The following PCDHGA9 variants were observed in gnomAD, a reference collection of about 807,000 sequenced individuals.
The protein encoded by PCDHGA9 is protocadherin gamma subfamily A, 9, also known as protocadherin gamma-A9.
PCDHGA9 carries 37 observed loss-of-function variants against 62.5 expected under a neutral mutation model. The ratio of observed to expected loss-of-function variants is 0.59; its 90% CI spans 0.46 to 0.78. The LOEUF is 0.78. Among genes scored for constraint, PCDHGA9 ranks in the 30% least tolerant of loss-of-function variants. PCDHGA9 has a pLI of 0.00. For missense variants in PCDHGA9, 1,138 were observed against 1,166.2 expected, an observed-to-expected ratio of 0.98 and a Z score of 0.35; for synonymous variants, 459 against 484.6, an observed-to-expected ratio of 0.95 and a Z score of 0.69.
At position 141,491,692 on chromosome 5, in the gene PCDHGA9, C is replaced by T. The variant is rs749349869; in HGVS notation, c.2425-3115C>T. On this transcript the variant is annotated intron_variant, in intron 1 of 3. Coordinates refer to ENST00000573521, the MANE Select transcript of PCDHGA9 (RefSeq NM_018921.3). This position sits in a 1 kb window ranked among gnomAD's most constrained non-coding sequence, Gnocchi z 6.9. ...GTCCCGCTCTAATACGCTGCGGGAG[C>T]GGAGCCAGGTGAGGGGCTCGGCGCC... is the stretch of plus-strand genomic sequence containing the variant. 1 of 1,612,594 alleles carries T rather than the reference C, an allele frequency of 6.2e-7. No homozygotes were observed. The highest frequency in any genetic ancestry group is 8.5e-7 in the Non-Finnish European group (1 of 1,179,340).
At chr5:141,474,964 CATT>C (rs1489874965) in intron 1 of PCDHGA9, among the ~76,000 whole-genome samples, 1 of 152,216 alleles carries the variant, frequency 6.6e-6, no homozygotes, top group Non-Finnish European at 1.5e-5. Context: ...CTATCCTAAT[CATT>C]ATAATTTTGT....
chr5:141,405,090 C>A lies in PCDHGA9; in HGVS notation c.2138C>A (p.Ala713Asp). The change falls in exon 1 of 4, where the codon GCC becomes GAC. Residue 713 changes from alanine (A) to aspartate (D), a missense_variant. Physicochemically the swap from Ala to Asp is moderately radical, Grantham distance 126. Transcript: ENST00000573521. The stretch of plus-strand genomic sequence containing the variant: ...CTCACCTTCGTTATCACGCTGCTGG[C>A]CCTCAGGCTGAGGCACTGGCACTCC... ...VFLTFVITLLALRLRHWHSSH... is the reference protein window; with the variant it reads ...VFLTFVITLLDLRLRHWHSSH... 1 of 1,613,950 alleles carries A rather than the reference C, an allele frequency of 6.2e-7. No homozygotes were observed. Among genetic ancestry groups the A allele is most frequent in the Non-Finnish European group, 8.5e-7 (1 of 1,179,834 alleles).
chr5:141,500,188 A>T (rs182086759), intron 2 of PCDHGA9, among the ~76,000 whole-genome samples: 173 of 98,190 alleles, frequency 1.8e-3, no homozygotes, highest in African/African-American at 4.0e-3. Flanking sequence ...TTTTATTTTT[A>T]TTTATTTATT....
chr5:141,446,455 T>G (rs1347586383), intron 1 of PCDHGA9, among the ~76,000 whole-genome samples: 1 of 151,858 alleles, frequency 6.6e-6, no homozygotes, highest in Non-Finnish European at 1.5e-5. Context: ...AGATATTCAG[T>G]GTGTGATTAG....
At chr5:141,508,879 G>A (rs2547559) in intron 3 of PCDHGA9, among the ~76,000 whole-genome samples, 2 of 152,070 alleles carry the variant, frequency 1.3e-5, no homozygotes, top group East Asian at 3.9e-4. Context: ...AGAGGCTGAC[G>A]GCTGGAGGGG....
intron 1 of PCDHGA9, chr5:141,413,151 T>G (rs1192899612): frequency 6.4e-7 from 1 of 1,573,560 alleles, no homozygotes; most frequent in Non-Finnish European, 8.6e-7. Context: ...GTGAGGACTT[T>G]GCAGAATTCT....
At chr5:141,410,697 T>G in intron 1 of PCDHGA9, 1 of 1,489,152 alleles carries the variant, frequency 6.7e-7, no homozygotes, top group Non-Finnish European at 9.0e-7. Context: ...TACTTTATTT[T>G]CATATCTAGA....
At chr5:141,468,697 T>A (rs2099174099) in intron 1 of PCDHGA9, 1 of 151,646 alleles carries the variant, frequency 6.6e-6, no homozygotes, top group Non-Finnish European at 1.5e-5. Context: ...AAACCCCGTC[T>A]CTACTAAAAA....
chr5:141,410,185 T>A lies in PCDHGA9; in HGVS notation c.2424+4809T>A, dbSNP rs373680185. 10 of 1,613,812 alleles carry A rather than the reference T, an allele frequency of 6.2e-6. No individual in the cohort carries two copies. The African/African-American group carries it at 1.3e-4, about 22-fold the overall frequency. On this transcript the variant is annotated intron_variant, in intron 1 of 3. Transcript: ENST00000573521. ...CACTCTCTGCCACCGCCACGCTTCA[T>A]CTGGTCTTCGCAGACAACTTGCAAG...
chr5:141,487,351 T>A lies in PCDHGA9; in HGVS notation c.2425-7456T>A. 6.2e-7 allele frequency: 1 copy of A among 1,614,210 alleles called. No individual in the cohort carries two copies. The highest frequency in any genetic ancestry group is 8.5e-7 in the Non-Finnish European group (1 of 1,180,038). On this transcript the variant is annotated intron_variant, in intron 1 of 3. Transcript: ENST00000573521. The surrounding 1 kb of genome is among the most constrained non-coding windows in gnomAD (Gnocchi z 5.0). ...GGGCAGCCTGTGGAGTCACATGCTT[T>A]CCTGCTGGCACCTGTGCCTGTCTCA...
chr5:141,477,031 A>G lies in PCDHGA9; in HGVS notation c.2425-17776A>G. 2 of 1,614,248 alleles carry G rather than the reference A, an allele frequency of 1.2e-6. No homozygotes were observed. The highest frequency in any genetic ancestry group is 2.2e-5 in the East Asian group (1 of 44,880). On this transcript the variant is annotated intron_variant, in intron 1 of 3. Transcript: ENST00000573521. This position sits in a 1 kb window ranked among gnomAD's most constrained non-coding sequence, Gnocchi z 4.9. ...TAGACCTTGTAACCGGGATGCTGAC[A>G]ATCAAGGGTCGGCTGGACTTCGAGG...
chr5:141,422,691 C>A, intron 1 of PCDHGA9: 1 of 1,603,878 alleles, frequency 6.2e-7, no homozygotes, highest in Non-Finnish European at 8.5e-7. Flanking sequence ...ATGCCCTGGT[C>A]ACTTACTCTC....
chr5:141,431,333 C>G lies in PCDHGA9; in HGVS notation c.2424+25957C>G. 1.2e-6 allele frequency: 2 copies of G among 1,614,058 alleles called. No individual in the cohort carries two copies. The highest frequency in any genetic ancestry group is 2.2e-5 in the South Asian group (2 of 91,088). Reference sequence around the variant, plus strand: ...AAATGGAGCCGACGGTAGTAAGTACCCCGAATTGGTGCTGAAACGCGCCCT... The same window carrying G: ...AAATGGAGCCGACGGTAGTAAGTACGCCGAATTGGTGCTGAAACGCGCCCT... On this transcript the variant is annotated intron_variant, in intron 1 of 3. Coordinates refer to ENST00000573521, the MANE Select transcript of PCDHGA9 (RefSeq NM_018921.3). The surrounding 1 kb of genome is among the most constrained non-coding windows in gnomAD (Gnocchi z 4.8).
chr5:141,467,715 G>C (rs904101145), intron 1 of PCDHGA9, among the ~76,000 whole-genome samples: 1 of 152,022 alleles, frequency 6.6e-6, no homozygotes, highest in Non-Finnish European at 1.5e-5. Flanking sequence ...AGGCTGGAGT[G>C]TAGTGGCACA....
At chr5:141,503,745 G>A (rs1377110427) in intron 2 of PCDHGA9, among the ~76,000 whole-genome samples, 3 of 152,220 alleles carry the variant, frequency 2.0e-5, no homozygotes, top group South Asian at 2.1e-4. Flanking sequence ...ATGGTATAGA[G>A]GTCACACATG....
chr5:141,490,042 G>A lies in PCDHGA9; in HGVS notation c.2425-4765G>A. On this transcript the variant is annotated intron_variant, in intron 1 of 3. Transcript: ENST00000573521. This position sits in a 1 kb window ranked among gnomAD's most constrained non-coding sequence, Gnocchi z 5.4. ...TCTGCTGCTCCGCCTCAATGCCACT[G>A]ATCCAGACGAGGGCACCAACGGCCA... The A allele has an allele frequency of 6.2e-7, 1 of 1,614,266 alleles. No homozygotes were observed. Among genetic ancestry groups the A allele is most frequent in the Non-Finnish European group, 8.5e-7 (1 of 1,180,038 alleles).
chr5:141,420,789 C>G (rs1403213574), intron 1 of PCDHGA9, among the ~76,000 whole-genome samples: 2 of 152,198 alleles, frequency 1.3e-5, no homozygotes, highest in Non-Finnish European at 2.9e-5. Flanking sequence ...ATTTTGAAAA[C>G]TTTTTAAAAA....
At chr5:141,458,727 A>G (rs1424554234) in intron 1 of PCDHGA9, among the ~76,000 whole-genome samples, 1 of 151,570 alleles carries the variant, frequency 6.6e-6, no homozygotes, top group East Asian at 1.9e-4. Flanking sequence ...TCGCCACCAC[A>G]TCCAGCTATT....
Position 141,486,632 on chromosome 5 carries a change from A to G in PCDHGA9, c.2425-8175A>G, listed in dbSNP as rs1304397413. The G allele has an allele frequency of 6.2e-7, 1 of 1,613,580 alleles. No individual in the cohort carries two copies. Among genetic ancestry groups the G allele is most frequent in the Non-Finnish European group, 8.5e-7 (1 of 1,180,040 alleles). ...AGCCTCTGACCCAGACTCTGGCTTG[A>G]ATGCGCTTATCTCCTACTCACTCCT... On this transcript the variant is annotated intron_variant, in intron 1 of 3. Coordinates refer to ENST00000573521, the MANE Select transcript of PCDHGA9 (RefSeq NM_018921.3). This position sits in a 1 kb window ranked among gnomAD's most constrained non-coding sequence, Gnocchi z 5.0.
Sources: allele counts gnomAD v4.1 joint callset (sites outside exome capture counted in the v4.1 genomes callset), GRCh38; gene constraint gnomAD v4.1.1; non-coding constraint Gnocchi (gnomAD v3.1); transcripts MANE v1.5; gene names NCBI Gene and HGNC (gene_info 2026-07-23, HGNC 2026-07-21).